The following TNKS variants were observed in gnomAD, a reference collection of about 807,000 sequenced individuals.
TNKS encodes the protein poly [ADP-ribose] polymerase tankyrase-1.
A neutral mutation model predicts 135.8 loss-of-function variants in TNKS; 72 were observed. That is an observed-to-expected ratio of 0.53 (90% confidence interval 0.44 to 0.64). The LOEUF is 0.64. TNKS is among the 30% of genes least tolerant of loss of function. The probability of loss-of-function intolerance (pLI) is 0.00; values close to 1 mark genes in which losing one functional copy is unlikely to be tolerated. For synonymous variants in TNKS, 849 were observed against 649.3 expected (o/e 1.31, Z -4.68); for missense variants, 1,769 against 1,674.0 (o/e 1.06, Z -0.99).
At position 9,735,067 on chromosome 8, in the gene TNKS, C is replaced by G. The variant is rs753000674; in HGVS notation, c.2516C>G (p.Thr839Ser). Residue 839 changes from threonine to serine, a missense_variant, in exon 16 of 27, where the codon ACC becomes AGC. Around this residue, in one of 5 missense-constraint regions of TNKS, gnomAD observed 722 missense variants for 688.9 expected, o/e 1.05. Coordinates refer to ENST00000310430, the MANE Select transcript of TNKS (RefSeq NM_003747.3). ...NCRDTQGRNS[T>S]PLHLAAGYNN... ...AGAGACACCCAGGGCAGAAATTCAA[C>G]CCCTCTGCACCTGGCAGGTAAGCGC... The G allele has an allele frequency of 6.2e-7, 1 of 1,613,798 alleles. No individual in the cohort carries two copies. Among genetic ancestry groups the G allele is most frequent in the Non-Finnish European group, 8.5e-7 (1 of 1,179,884 alleles).
intron 1 of TNKS, among the ~76,000 whole-genome samples, chr8:9,565,817 A>C (rs1001160174): frequency 1.4e-4 from 21 of 152,200 alleles, no homozygotes; most frequent in Non-Finnish European, 5.9e-5. Flanking sequence ...AGATCACGCC[A>C]CTGCACTCCA....
chr8:9,713,778 T>G lies in TNKS; in HGVS notation c.1749+3558T>G, dbSNP rs571639735. ...GATGCTGTTCCTCATGGTTGGTGTATCTGGTGATTAATGTGTTGTAAAAAA... is the reference window on the plus strand; with the variant it reads ...GATGCTGTTCCTCATGGTTGGTGTAGCTGGTGATTAATGTGTTGTAAAAAA... On this transcript the variant is annotated intron_variant, in intron 11 of 26. Coordinates refer to ENST00000310430, the MANE Select transcript of TNKS (RefSeq NM_003747.3). 5.3e-5 allele frequency among the ~76,000 whole-genome samples: 8 copies of G among 152,334 alleles called. 1 individual carries two copies. In the South Asian group the frequency reaches 1.4e-3, roughly 28 times the overall value.
At chr8:9,697,123 A>T (rs571004386) in intron 5 of TNKS, among the ~76,000 whole-genome samples, 3 of 152,296 alleles carry the variant, frequency 2.0e-5, no homozygotes, top group East Asian at 3.9e-4. Flanking sequence ...ATGGAATGGA[A>T]TAGGAAGCTC....
Position 9,636,967 on chromosome 8 carries a change from T to C in TNKS, c.994+21290T>C, listed in dbSNP as rs866559114. Among the ~76,000 whole-genome samples the C allele has an allele frequency of 2.6e-5, 4 of 152,344 alleles. No homozygotes were observed. The South Asian group carries it at 8.3e-4, about 32-fold the overall frequency. On this transcript the variant is annotated intron_variant, in intron 3 of 26. Transcript: ENST00000310430. ...AATATTGTATGTTTGATCATTAGCCTCTTGACAGTTTTAAAATTGCTAGAC... is the reference window on the plus strand; with the variant it reads ...AATATTGTATGTTTGATCATTAGCCCCTTGACAGTTTTAAAATTGCTAGAC...
Position 9,735,656 on chromosome 8 carries a change from C to T in TNKS, c.2643+170C>T, listed in dbSNP as rs1015676286. Among the ~76,000 whole-genome samples, 6 of 151,986 alleles carry T rather than the reference C, an allele frequency of 3.9e-5. No individual in the cohort carries two copies. In the East Asian group the frequency reaches 7.7e-4, roughly 20 times the overall value. On this transcript the variant is annotated intron_variant, in intron 17 of 26. Coordinates refer to ENST00000310430, the MANE Select transcript of TNKS (RefSeq NM_003747.3). ...TCTACTAAAAATACAAAAAATTAGA[C>T]GGGCATAGTGGCGGGCACCTGTAGT...
chr8:9,635,130 A>G (rs558498839), intron 3 of TNKS, among the ~76,000 whole-genome samples: 104 of 152,010 alleles, frequency 6.8e-4, no homozygotes, highest in Non-Finnish European at 1.3e-3. Context: ...AGACCGCGCC[A>G]CTGCACTCCA....
intron 3 of TNKS, among the ~76,000 whole-genome samples, chr8:9,632,872 G>A (rs1313305364): frequency 1.3e-5 from 2 of 152,276 alleles, no homozygotes; most frequent in African/African-American, 4.8e-5. Context: ...TGGGACTACA[G>A]GCGCCTGCCA....
chr8:9,637,672 TAA>T (rs2128774958), intron 3 of TNKS, among the ~76,000 whole-genome samples: 1 of 152,260 alleles, frequency 6.6e-6, no homozygotes, highest in Non-Finnish European at 1.5e-5. Context: ...GTTTACAAAA[TAA>T]GTCTTCTTAT....
chr8:9,602,997 CT>C (rs1799074532), intron 2 of TNKS, among the ~76,000 whole-genome samples: 1 of 151,942 alleles, frequency 6.6e-6, no homozygotes, highest in Non-Finnish European at 1.5e-5. Context: ...ACAAGGTGTC[CT>C]AAATATATTA....
chr8:9,590,982 T>C (rs777415274), intron 2 of TNKS, among the ~76,000 whole-genome samples: 5 of 152,220 alleles, frequency 3.3e-5, no homozygotes, highest in Non-Finnish European at 5.9e-5. Flanking sequence ...GAATCCATTG[T>C]CGAACCCTAG....
Position 9,780,914 on chromosome 8 carries a change from T to C in TNKS, c.*4178T>C, listed in dbSNP as rs1474571626. On this transcript the variant is annotated 3_prime_UTR_variant, in exon 27 of 27. Coordinates refer to ENST00000310430, the MANE Select transcript of TNKS (RefSeq NM_003747.3). ...CTGGTTTGGAGAAGTGCTGGAAAGA[T>C]TTCAAAGCCTATTCAGTTGTGTATG... The C allele has an allele frequency of 6.6e-6, 1 of 152,230 alleles. No individual in the cohort carries two copies. Among genetic ancestry groups the C allele is most frequent in the East Asian group, 1.9e-4 (1 of 5,198 alleles). The allele number at this position is 152,230 out of a possible 1,614,324, so 9.4% of individuals were successfully genotyped here. A position where few individuals can be genotyped will look rare whatever the true frequency, so the allele number is the denominator to read the frequency against.
At chr8:9,740,528 C>T (rs1278684942) in intron 17 of TNKS, among the ~76,000 whole-genome samples, 3 of 152,118 alleles carry the variant, frequency 2.0e-5, no homozygotes, top group Admixed American at 6.5e-5. Flanking sequence ...AGTGAGGATA[C>T]TTTTAAGGAA....
chr8:9,648,204 T>G (rs1800989470), intron 3 of TNKS, among the ~76,000 whole-genome samples: 1 of 152,162 alleles, frequency 6.6e-6, no homozygotes, highest in Non-Finnish European at 1.5e-5. Flanking sequence ...TAGGCTACAT[T>G]AGATTTATTT....
rs549324065 is a variant in TNKS, at chr8:9,622,168, A to C, written c.994+6491A>C. ...GAAGAATGTAAAACTCACACCTTTT[A>C]AAAAAGATTATATCTGACGTAAGAG... On this transcript the variant is annotated intron_variant, in intron 3 of 26. Transcript: ENST00000310430. Among the ~76,000 whole-genome samples the C allele has an allele frequency of 2.0e-4, 30 of 152,322 alleles. No individual in the cohort carries two copies. The South Asian group carries it at 6.2e-3, about 32-fold the overall frequency.
chr8:9,593,646 C>T (rs1798668524), intron 2 of TNKS, among the ~76,000 whole-genome samples: 1 of 152,120 alleles, frequency 6.6e-6, no homozygotes, highest in Admixed American at 6.6e-5. Flanking sequence ...CTGTTAATTT[C>T]CTTATAACTT....
chr8:9,665,583 G>C (rs1801946921), intron 3 of TNKS, among the ~76,000 whole-genome samples: 1 of 152,150 alleles, frequency 6.6e-6, no homozygotes, highest in African/African-American at 2.4e-5. Flanking sequence ...CCATAAAAGG[G>C]ATTAGTAGTG....
At chr8:9,624,449 C>T (rs972405556) in intron 3 of TNKS, among the ~76,000 whole-genome samples, 2 of 151,988 alleles carry the variant, frequency 1.3e-5, no homozygotes, top group Non-Finnish European at 2.9e-5. Flanking sequence ...TTGTAAGTTC[C>T]CATGCAATTG....
At chr8:9,646,961 C>G (rs894612607) in intron 3 of TNKS, among the ~76,000 whole-genome samples, 7 of 152,038 alleles carry the variant, frequency 4.6e-5, no homozygotes, top group Non-Finnish European at 7.4e-5. Flanking sequence ...TTTTATATCC[C>G]TTAGTAGATG....
chr8:9,561,017 G>GT (rs1461137636), intron 1 of TNKS, among the ~76,000 whole-genome samples: 1 of 152,114 alleles, frequency 6.6e-6, no homozygotes, highest in Non-Finnish European at 1.5e-5. Flanking sequence ...CAAAAAATTT[G>GT]TAACAAGCCA....
Sources: allele counts gnomAD v4.1 joint callset (sites outside exome capture counted in the v4.1 genomes callset), GRCh38; gene constraint gnomAD v4.1.1; regional missense constraint gnomAD v4.1.1; transcripts MANE v1.5; gene names NCBI Gene and HGNC (gene_info 2026-07-23, HGNC 2026-07-21).